The following KHDRBS2 variants were observed in gnomAD, a reference collection of about 807,000 sequenced individuals.
KHDRBS2 encodes the protein KH domain-containing, RNA-binding, signal transduction-associated protein 2.
In KHDRBS2, 26 loss-of-function variants were observed where a neutral mutation model predicts 44.3. The observed-to-expected ratio is 0.59, with a 90% CI of 0.43 to 0.81. The LOEUF (loss-of-function observed/expected upper bound fraction) is 0.81. Among genes scored for constraint, KHDRBS2 ranks in the 40% least tolerant of loss-of-function variants. KHDRBS2 has a pLI of 0.00. For missense variants in KHDRBS2, 476 were observed against 433.1 expected, an observed-to-expected ratio of 1.10 and a Z score of -0.88; for synonymous variants, 194 against 151.1, an observed-to-expected ratio of 1.28 and a Z score of -2.08.
intron 6 of KHDRBS2, among the ~76,000 whole-genome samples, chr6:61,846,882 T>A (rs1794495134): frequency 6.6e-6 from 1 of 152,026 alleles, no homozygotes. Flanking sequence ...TTTACAATAA[T>A]TTTTCCTTCA....
intron 4 of KHDRBS2, among the ~76,000 whole-genome samples, chr6:61,953,846 T>A (rs1190937051): frequency 6.6e-6 from 1 of 152,048 alleles, no homozygotes; most frequent in Non-Finnish European, 1.5e-5. Flanking sequence ...GGGAAGGGCA[T>A]GGGCCCCAGG....
the KHDRBS2 span, among the ~76,000 whole-genome samples, chr6:61,657,754 C>T: frequency 2.0e-3 from 300 of 152,032 alleles, 1 homozygote; most frequent in African/African-American, 7.0e-3. Context: ...CGAGAACTCT[C>T]CTGCTGTTAA....
chr6:61,954,635 CACAT>C (rs942539106), intron 4 of KHDRBS2, among the ~76,000 whole-genome samples: 5 of 121,314 alleles, frequency 4.1e-5, no homozygotes, highest in African/African-American at 7.1e-5. Flanking sequence ...TGTATATATA[CACAT>C]ACATACTTAT....
At chr6:62,280,917 A>G (rs1439704188) in intron 1 of KHDRBS2, among the ~76,000 whole-genome samples, 1 of 152,198 alleles carries the variant, frequency 6.6e-6, no homozygotes, top group Non-Finnish European at 1.5e-5. Flanking sequence ...AAAGACAATG[A>G]CGATGGCTAT....
intron 1 of KHDRBS2, among the ~76,000 whole-genome samples, chr6:62,268,773 A>T (rs187009024): frequency 2.6e-5 from 4 of 152,160 alleles, no homozygotes; most frequent in Admixed American, 1.3e-4. Context: ...ATAGGATTAC[A>T]TAGCTATGTA....
intron 1 of KHDRBS2, among the ~76,000 whole-genome samples, chr6:62,271,366 C>A (rs1840061272): frequency 6.6e-6 from 1 of 151,984 alleles, no homozygotes; most frequent in South Asian, 2.1e-4. Flanking sequence ...ACTGTGCTGC[C>A]AGTAGTATAA....
At chr6:61,781,882 G>C (rs1012517176) in intron 6 of KHDRBS2, among the ~76,000 whole-genome samples, 1 of 152,154 alleles carries the variant, frequency 6.6e-6, no homozygotes, top group African/African-American at 2.4e-5. Flanking sequence ...AAAGAGAAAT[G>C]AATTGTGTCT....
At chr6:62,059,594 A>C (rs1791233183) in intron 2 of KHDRBS2, among the ~76,000 whole-genome samples, 1 of 151,798 alleles carries the variant, frequency 6.6e-6, no homozygotes, top group Non-Finnish European at 1.5e-5. Flanking sequence ...CCATTAATAA[A>C]ATTACGGAAT....
intron 7 of KHDRBS2, among the ~76,000 whole-genome samples, chr6:61,722,129 C>T (rs1353167162): frequency 6.6e-6 from 1 of 152,066 alleles, no homozygotes; most frequent in African/African-American, 2.4e-5. Context: ...GGGATGAAGC[C>T]CACTTGATCA....
the KHDRBS2 span, among the ~76,000 whole-genome samples, chr6:61,544,757 A>G: frequency 6.6e-6 from 1 of 152,124 alleles, no homozygotes; most frequent in Non-Finnish European, 1.5e-5. Context: ...GCCATAAAAA[A>G]TGATGAGTTT....
chr6:61,950,865 C>T (rs1172117800), intron 4 of KHDRBS2, among the ~76,000 whole-genome samples: 1 of 151,998 alleles, frequency 6.6e-6, no homozygotes, highest in African/African-American at 2.4e-5. Flanking sequence ...GTGATGTTTA[C>T]AGTAAATGAG....
chr6:61,903,700 C>A (rs1156738560), intron 4 of KHDRBS2, among the ~76,000 whole-genome samples: 3 of 152,136 alleles, frequency 2.0e-5, no homozygotes, highest in African/African-American at 7.2e-5. Flanking sequence ...GCTAAAACAT[C>A]ATGAAAAGAA....
rs754410366 is a variant in KHDRBS2, at chr6:61,681,054, T to A, written c.959A>T (p.Glu320Val). The A allele has an allele frequency of 1.2e-6, 2 of 1,610,292 alleles. No individual in the cohort carries two copies. Among genetic ancestry groups the A allele is most frequent in the Admixed American group, 3.4e-5 (2 of 59,678 alleles). Residue 320 changes from glutamate to valine, a missense_variant, in exon 9 of 9, where the codon GAA (glutamate) becomes GTA (valine). Glu to Val is a moderately radical substitution (Grantham distance 121). Transcript: ENST00000281156. The stretch of plus-strand genomic sequence containing the variant: ...GCTAGAGCGGGTTGTGGCCCATTCT[T>A]CTGGTGCTGTGAAAAAGAGAAAGAT... ...SEDAYDSYAP[E>V]EWATTRSSLK...
At chr6:61,614,926 A>G in the KHDRBS2 span, among the ~76,000 whole-genome samples, 19 of 152,042 alleles carry the variant, frequency 1.2e-4, no homozygotes, top group Non-Finnish European at 2.5e-4. Context: ...CACATGTTCA[A>G]TATCAAGATT....
chr6:61,714,438 G>A (rs1228024795), intron 7 of KHDRBS2, among the ~76,000 whole-genome samples: 2 of 151,958 alleles, frequency 1.3e-5, no homozygotes, highest in Non-Finnish European at 2.9e-5. Flanking sequence ...TAAATTGCTG[G>A]TGGAAATGTA....
intron 2 of KHDRBS2, among the ~76,000 whole-genome samples, chr6:62,093,585 C>T (rs1474098942): frequency 6.6e-6 from 1 of 151,844 alleles, no homozygotes; most frequent in Non-Finnish European, 1.5e-5. Context: ...TGCAATGGAA[C>T]ACCAGAATTT....
chr6:62,034,094 T>C (rs1343263624), intron 3 of KHDRBS2, among the ~76,000 whole-genome samples: 4 of 151,644 alleles, frequency 2.6e-5, no homozygotes, highest in African/African-American at 7.2e-5. Context: ...TAGACACAAA[T>C]AACCTACCAA....
intron 6 of KHDRBS2, among the ~76,000 whole-genome samples, chr6:61,737,776 A>G (rs1259142790): frequency 6.6e-6 from 1 of 152,086 alleles, no homozygotes; most frequent in Non-Finnish European, 1.5e-5. Flanking sequence ...CCAGATGTGG[A>G]AACTCATAAG....
intron 1 of KHDRBS2, among the ~76,000 whole-genome samples, chr6:62,191,335 C>T (rs2150131590): frequency 6.6e-6 from 1 of 152,202 alleles, no homozygotes; most frequent in Non-Finnish European, 1.5e-5. Context: ...TCTCAAAGTC[C>T]TTAGGCTTTT....
Sources: allele counts gnomAD v4.1 joint callset (sites outside exome capture counted in the v4.1 genomes callset), GRCh38; gene constraint gnomAD v4.1.1; transcripts MANE v1.5; gene names NCBI Gene and HGNC (gene_info 2026-07-23, HGNC 2026-07-21).